Variants in GRIK1 observed in about 807,000 individuals in gnomAD.
GRIK1 encodes the protein glutamate ionotropic receptor kainate type subunit 1, also known as glutamate receptor ionotropic, kainate 1.
A neutral mutation model predicts 105.7 loss-of-function variants in GRIK1; 69 were observed. The ratio of observed to expected loss-of-function variants is 0.65; its 90% CI spans 0.54 to 0.80. The LOEUF is 0.80. Among genes scored for constraint, GRIK1 ranks in the 30% least tolerant of loss-of-function variants. The pLI, the probability that GRIK1 is intolerant of heterozygous loss-of-function variation, is 0.00. For synonymous variants in GRIK1, 438 were observed against 431.3 expected (o/e 1.02, Z -0.19); for missense variants, 1,109 against 1,167.3 (o/e 0.95, Z 0.73).
In GRIK1 at chr21:29,662,396, G is replaced by A. The variant is rs142895761; in HGVS notation, c.727-7533C>T. ...CATGAAACTAAAAAATAACCTCTCT[G>A]CAACATCTAGGGAAAATTGGTGGAA... On this transcript the variant is annotated intron_variant, in intron 4 of 17. Coordinates refer to ENST00000327783, the MANE Select transcript of GRIK1 (RefSeq NM_001330994.2). Among the ~76,000 whole-genome samples, 6 of 152,284 alleles carry A rather than the reference G, an allele frequency of 3.9e-5. No individual in the cohort carries two copies. The East Asian group carries it at 1.2e-3, about 29-fold the overall frequency.
Position 29,831,786 on chromosome 21 carries a change from C to T in GRIK1, c.118+107597G>A, listed in dbSNP as rs192774648. Among the ~76,000 whole-genome samples, 1,145 of 152,144 alleles carry T rather than the reference C, an allele frequency of 7.5e-3. 10 individuals are homozygous for T. The highest frequency in any genetic ancestry group is 0.011 in the Non-Finnish European group (732 of 68,002). The stretch of plus-strand genomic sequence containing the variant: ...AAAAACATACCATTCTGCCCCCAGC[C>T]CCTCCAACATCTCATGTCCTTCTCA... On this transcript the variant is annotated intron_variant, in intron 1 of 17. Coordinates refer to ENST00000327783, the MANE Select transcript of GRIK1 (RefSeq NM_001330994.2).
chr21:29,827,373 A>G (rs762420969), intron 1 of GRIK1, among the ~76,000 whole-genome samples: 2 of 152,166 alleles, frequency 1.3e-5, no homozygotes, highest in African/African-American at 2.4e-5. Flanking sequence ...TATATTTCAT[A>G]ATATTTTTAA....
intron 16 of GRIK1, among the ~76,000 whole-genome samples, chr21:29,547,983 C>A (rs1277546293): frequency 2.0e-5 from 3 of 152,158 alleles, no homozygotes; most frequent in Admixed American, 6.6e-5. Context: ...GGACTGCTTT[C>A]ATGTCTTAGG....
At chr21:29,689,618 T>A in intron 3 of GRIK1, 110 bp downstream of exon 3, 1 of 900,044 alleles carries the variant, frequency 1.1e-6, no homozygotes, top group Non-Finnish European at 1.8e-6. Flanking sequence ...TAGCTTTATA[T>A]AAAAGAGCAT....
chr21:29,629,483 A>G (rs2062212705), intron 7 of GRIK1, among the ~76,000 whole-genome samples: 1 of 151,590 alleles, frequency 6.6e-6, no homozygotes, highest in South Asian at 2.1e-4. Context: ...TACTAAGTTC[A>G]ATTTTCTTTC....
intron 1 of GRIK1, among the ~76,000 whole-genome samples, chr21:29,882,699 A>C (rs1428196638): frequency 6.6e-6 from 1 of 152,118 alleles, no homozygotes; most frequent in African/African-American, 2.4e-5. Context: ...TCTCACATGC[A>C]TATTCCCTGG....
intron 1 of GRIK1, among the ~76,000 whole-genome samples, chr21:29,888,900 T>C (rs1327444303): frequency 6.7e-6 from 1 of 148,158 alleles, no homozygotes; most frequent in Non-Finnish European, 1.5e-5. Context: ...CCTTCCATCA[T>C]GGAAAGGTTT....
intron 15 of GRIK1, among the ~76,000 whole-genome samples, chr21:29,560,333 T>TTCTTTCTTTCTTTCTTTCTG (rs2090376751): frequency 8.2e-6 from 1 of 121,504 alleles, no homozygotes; most frequent in Non-Finnish European, 1.7e-5. Flanking sequence ...CTTTCTTTCT[T>TTCTTTCTTTCTTTCTTTCTG]TCTTTCTTTC....
chr21:29,725,806 A>C (rs887063816), intron 1 of GRIK1, among the ~76,000 whole-genome samples: 2 of 152,222 alleles, frequency 1.3e-5, no homozygotes, highest in Non-Finnish European at 2.9e-5. Flanking sequence ...ATAAAATTAC[A>C]GCTTTTGTAA....
At chr21:29,555,860 C>T (rs562740217) in intron 15 of GRIK1, among the ~76,000 whole-genome samples, 1 of 152,306 alleles carries the variant, frequency 6.6e-6, no homozygotes, top group South Asian at 2.1e-4. Context: ...AAACTATGCT[C>T]CAACTGCTAC....
Position 29,607,188 on chromosome 21 carries a change from A to C in GRIK1, c.1099-8251T>G, listed in dbSNP as rs149587340. Reference sequence around the variant, plus strand: ...GGTGATCTATCAGCTAGATGCAGGTAATCTAACTCTTTGCAGGGTGAGAGA... The same window carrying C: ...GGTGATCTATCAGCTAGATGCAGGTCATCTAACTCTTTGCAGGGTGAGAGA... On this transcript the variant is annotated intron_variant, in intron 7 of 17. Coordinates refer to ENST00000327783, the MANE Select transcript of GRIK1 (RefSeq NM_001330994.2). Among the ~76,000 whole-genome samples the C allele has an allele frequency of 2.8e-3, 432 of 152,254 alleles. 3 individuals carry two copies. The highest frequency in any genetic ancestry group is 9.6e-3 in the African/African-American group (398 of 41,548).
intron 1 of GRIK1, among the ~76,000 whole-genome samples, chr21:29,745,817 A>G (rs1318784879): frequency 7.9e-5 from 12 of 152,210 alleles, no homozygotes; most frequent in Admixed American, 7.9e-4. Flanking sequence ...AATTGAGAAA[A>G]GAGAGTCCGG....
chr21:29,910,062 A>C (rs1010676731), intron 1 of GRIK1, among the ~76,000 whole-genome samples: 2 of 152,104 alleles, frequency 1.3e-5, no homozygotes, highest in Non-Finnish European at 2.9e-5. Context: ...TTTGTAACTC[A>C]AAGTATAAAT....
At chr21:29,552,468 C>T (rs1429786914) in intron 16 of GRIK1, among the ~76,000 whole-genome samples, 3 of 152,058 alleles carry the variant, frequency 2.0e-5, no homozygotes, top group Admixed American at 1.3e-4. Context: ...AGATCTGTAA[C>T]TAATGTGTAT....
chr21:29,838,487 A>G (rs1321403024), intron 1 of GRIK1, among the ~76,000 whole-genome samples: 2 of 152,168 alleles, frequency 1.3e-5, no homozygotes, highest in Non-Finnish European at 2.9e-5. Flanking sequence ...AGAAGTTGTA[A>G]GTGACTCCTG....
intron 1 of GRIK1, among the ~76,000 whole-genome samples, chr21:29,807,893 A>C (rs1044878021): frequency 6.6e-6 from 1 of 152,058 alleles, no homozygotes; most frequent in African/African-American, 2.4e-5. Context: ...GCTTTCCTCC[A>C]TCTGGAGGCT....
intron 7 of GRIK1, among the ~76,000 whole-genome samples, chr21:29,600,634 A>T (rs1051958499): frequency 2.6e-5 from 4 of 152,212 alleles, no homozygotes; most frequent in Non-Finnish European, 5.9e-5. Context: ...TGTTGAATGT[A>T]TTTACCCATT....
At chr21:29,844,864 C>G (rs2068073945) in intron 1 of GRIK1, among the ~76,000 whole-genome samples, 1 of 152,016 alleles carries the variant, frequency 6.6e-6, no homozygotes, top group African/African-American at 2.4e-5. Context: ...ATATTCTTAT[C>G]ATGTAATTCT....
At chr21:29,843,423 A>G (rs2068033587) in intron 1 of GRIK1, among the ~76,000 whole-genome samples, 1 of 152,216 alleles carries the variant, frequency 6.6e-6, no homozygotes, top group Non-Finnish European at 1.5e-5. Flanking sequence ...TCTACAACGA[A>G]GAGCAAATGG....
Sources: gnomAD v4.1 joint callset for allele counts (sites outside exome capture counted in the v4.1 genomes callset) on GRCh38, gnomAD v4.1.1 for gene constraint, MANE v1.5 for transcripts, NCBI Gene and HGNC (gene_info 2026-07-23, HGNC 2026-07-21) for gene names.